The following LINGO1 variants were observed in gnomAD, a reference collection of about 807,000 sequenced individuals.
The protein encoded by LINGO1 is leucine-rich repeat and immunoglobulin-like domain-containing nogo receptor-interacting protein 1.
A neutral mutation model predicts 37.3 loss-of-function variants in LINGO1; 11 were observed. The ratio of observed to expected loss-of-function variants is 0.29; its 90% CI spans 0.19 to 0.49. The LOEUF (loss-of-function observed/expected upper bound fraction) is 0.49, where lower values mean the gene tolerates loss of function less well. Among genes scored for constraint, LINGO1 ranks in the 20% least tolerant of loss-of-function variants. The probability of loss-of-function intolerance (pLI) is 0.99; values close to 1 mark genes in which losing one functional copy is unlikely to be tolerated. For missense variants in LINGO1, 585 were observed against 878.2 expected (o/e 0.67, Z 4.22); for synonymous variants, 387 against 403.0 (o/e 0.96, Z 0.48).
At chr15:77,776,191 T>G (rs193293122) in intron 1 of LINGO1, among the ~76,000 whole-genome samples, 85 of 150,152 alleles carry the variant, frequency 5.7e-4, no homozygotes, top group African/African-American at 2.0e-3. Context: ...GCTGTAAATA[T>G]TACGTCTTCC....
chr15:77,700,056 C>T (rs1217222729), upstream of LINGO1, among the ~76,000 whole-genome samples: 1 of 152,178 alleles, frequency 6.6e-6, no homozygotes, highest in African/African-American at 2.4e-5. Context: ...CACACGTTAG[C>T]ATTCTCAGGG....
intron 1 of LINGO1, among the ~76,000 whole-genome samples, chr15:77,782,244 CACGT>C (rs2076726623): frequency 1.3e-5 from 2 of 149,586 alleles, no homozygotes; most frequent in Admixed American, 6.6e-5. Context: ...CACACACACA[CACGT>C]GCCCGCATAC....
At chr15:77,796,941 G>A (rs2141456105) in intron 1 of LINGO1, among the ~76,000 whole-genome samples, 1 of 152,282 alleles carries the variant, frequency 6.6e-6, no homozygotes, top group South Asian at 2.1e-4. Flanking sequence ...GCCTTAAGCA[G>A]TCCTCCTGCC....
At chr15:77,729,369 G>C (rs1034773400) in intron 2 of LINGO1, among the ~76,000 whole-genome samples, 1 of 152,240 alleles carries the variant, frequency 6.6e-6, no homozygotes, top group Non-Finnish European at 1.5e-5. Flanking sequence ...GAGGAGGGCA[G>C]AGCAAGCAGA....
chr15:77,664,928 AAC>A (rs1250734141), intron 3 of LINGO1, among the ~76,000 whole-genome samples: 3 of 152,178 alleles, frequency 2.0e-5, no homozygotes, highest in African/African-American at 7.2e-5. Context: ...CAGACTTGTA[AAC>A]ACACAGCTGT....
At chr15:77,711,300 T>TA in intron 2 of LINGO1, among the ~76,000 whole-genome samples, 1 of 152,364 alleles carries the variant, frequency 6.6e-6, no homozygotes, top group East Asian at 1.9e-4. Flanking sequence ...CTGTCTCCCC[T>TA]ATGAGACTGT....
At chr15:77,656,341 CT>C (rs999266455) in intron 3 of LINGO1, among the ~76,000 whole-genome samples, 3 of 152,176 alleles carry the variant, frequency 2.0e-5, no homozygotes, top group Admixed American at 6.5e-5. Context: ...CCCTCCTTGT[CT>C]TTTTCCACCC....
At chr15:77,772,840 G>A (rs112924749) in intron 1 of LINGO1, among the ~76,000 whole-genome samples, 2,757 of 152,268 alleles carry the variant, frequency 0.018, 29 homozygotes, top group Non-Finnish European at 0.026. Flanking sequence ...ATCTGTCTGG[G>A]AGCAGGCTCA....
intron 1 of LINGO1, among the ~76,000 whole-genome samples, chr15:77,784,387 G>C (rs1308691278): frequency 6.6e-6 from 1 of 152,274 alleles, no homozygotes; most frequent in African/African-American, 2.4e-5. Context: ...AGGCTTACAG[G>C]TAAGGCTGCC....
chr15:77,674,877 C>T (rs59232635), intron 3 of LINGO1, among the ~76,000 whole-genome samples: 2,685 of 151,954 alleles, frequency 0.018, 93 homozygotes, highest in African/African-American at 0.061. Flanking sequence ...AGGTATATTT[C>T]GTGAGTTTTG....
At chr15:77,746,426 A>G (rs2076315531) in intron 1 of LINGO1, among the ~76,000 whole-genome samples, 1 of 152,018 alleles carries the variant, frequency 6.6e-6, no homozygotes, top group Non-Finnish European at 1.5e-5. Flanking sequence ...GCCTAGATAC[A>G]TTTTTAGGTC....
chr15:77,657,655 C>A (rs1020073800), intron 3 of LINGO1, among the ~76,000 whole-genome samples: 5 of 152,108 alleles, frequency 3.3e-5, no homozygotes, highest in Non-Finnish European at 7.4e-5. Context: ...AAGTAGGTCC[C>A]CTGCCTCCCT....
intron 1 of LINGO1, among the ~76,000 whole-genome samples, chr15:77,738,877 C>G (rs963574910): frequency 6.6e-6 from 1 of 152,242 alleles, no homozygotes; most frequent in Admixed American, 6.5e-5. Context: ...GTTCTTACTC[C>G]CTACATGAAC....
intron 1 of LINGO1, among the ~76,000 whole-genome samples, chr15:77,622,703 C>T (rs1470491666): frequency 6.6e-6 from 1 of 152,176 alleles, no homozygotes; most frequent in African/African-American, 2.4e-5. Flanking sequence ...GGTCAAGTGG[C>T]CAGGAGTGGG....
At chr15:77,636,207 G>C (rs1222936135), upstream of LINGO1, among the ~76,000 whole-genome samples, 1 of 152,190 alleles carries the variant, frequency 6.6e-6, no homozygotes, top group African/African-American at 2.4e-5. Context: ...CTGAGAGGCT[G>C]AGGAGGCAGG....
chr15:77,677,184 A>G (rs908556725), intron 2 of LINGO1: 1 of 152,398 alleles, frequency 6.6e-6, no homozygotes, highest in East Asian at 1.9e-4. Context: ...ACTGTGCGGG[A>G]AGAGCAAGAA....
At chr15:77,729,100 G>A (rs188817917) in intron 2 of LINGO1, among the ~76,000 whole-genome samples, 8 of 152,324 alleles carry the variant, frequency 5.3e-5, no homozygotes, top group East Asian at 3.9e-4. Flanking sequence ...CCACCCAAGC[G>A]CCCAGTTGGC....
chr15:77,613,748 G>A lies in LINGO1; in HGVS notation c.*296C>T, dbSNP rs1164199542. 8.0e-6 allele frequency: 3 copies of A among 376,274 alleles called. No homozygotes were observed. Among genetic ancestry groups the A allele is most frequent in the African/African-American group, 4.1e-5 (2 of 49,338 alleles). 23.3% of individuals were successfully genotyped at this position (376,274 alleles called of 1,614,324 possible). ...GAAACCCAAGTTACAGAGAAAGTTC[G>A]TAACTTTTTTATTGAATTATTGACT... On this transcript the variant is annotated 3_prime_UTR_variant, in exon 2 of 2. Coordinates refer to ENST00000355300, the MANE Select transcript of LINGO1 (RefSeq NM_032808.7).
intron 1 of LINGO1, among the ~76,000 whole-genome samples, chr15:77,769,711 GTT>G (rs2076565114): frequency 6.6e-6 from 1 of 152,166 alleles, no homozygotes; most frequent in South Asian, 2.1e-4. Flanking sequence ...CTGGACGGCT[GTT>G]TATCTACTCA....
Sources: allele counts gnomAD v4.1 joint callset (sites outside exome capture counted in the v4.1 genomes callset), GRCh38; gene constraint gnomAD v4.1.1; transcripts MANE v1.5; gene names NCBI Gene and HGNC (gene_info 2026-07-23, HGNC 2026-07-21).